The following CEP131 variants were observed in gnomAD, a reference collection of about 807,000 sequenced individuals.
CEP131 encodes centrosomal protein 131, also known as centrosomal protein of 131 kDa.
A neutral mutation model predicts 136.8 loss-of-function variants in CEP131; 99 were observed. The ratio of observed to expected loss-of-function variants is 0.72; its 90% CI spans 0.62 to 0.86. The LOEUF is 0.86. CEP131 is among the 40% of genes least tolerant of loss of function. The pLI is 0.00. For synonymous variants in CEP131, 646 were observed against 612.7 expected (o/e 1.05, Z -0.80); for missense variants, 1,459 against 1,463.0 (o/e 1.00, Z 0.04).
chr17:81,192,664 G>A (rs1465288735), intron 19 of CEP131, 71 bp from the exon 20 acceptor site: 6 of 1,369,246 alleles, frequency 4.4e-6, no homozygotes, highest in Non-Finnish European at 6.0e-6. Flanking sequence ...AGGTCAGCGG[G>A]TGAGGGGGCG....
chr17:81,213,855 T>C (rs576654586), intron 2 of CEP131, among the ~76,000 whole-genome samples: 1 of 152,264 alleles, frequency 6.6e-6, no homozygotes, highest in Non-Finnish European at 1.5e-5. Context: ...GTACTTTACC[T>C]CTGTGGCCTT....
Position 81,192,342 on chromosome 17 carries a change from C to T in CEP131, c.2598G>A (p.Trp866Ter), listed in dbSNP as rs1415314739. Residue 866 changes from tryptophan to a stop codon, truncating the protein, a stop_gained, in exon 21 of 26, where the codon TGG becomes TGA. Coordinates refer to ENST00000450824, the MANE Select transcript of CEP131 (RefSeq NM_014984.4). LOFTEE classifies it high-confidence loss of function. ...CCTCCTTCCTGGTGCGGCCGGCCTC[C>T]CACGCCTGCCTCTCCAGCTCCAGCT... ...KQQLELERQA[W>*]EAGRTRKEEA... 2 of 1,572,988 alleles carry T rather than the reference C, an allele frequency of 1.3e-6. No individual in the cohort carries two copies. Among genetic ancestry groups the T allele is most frequent in the African/African-American group, 2.7e-5 (2 of 73,854 alleles).
chr17:81,220,360 C>G (rs2146766989), intron 1 of CEP131, among the ~76,000 whole-genome samples: 1 of 152,332 alleles, frequency 6.6e-6, no homozygotes. Flanking sequence ...AGCAGCACCC[C>G]AGAGGGAGCC....
In CEP131 at chr17:81,194,097, G is replaced by A. The variant is rs1290227397; in HGVS notation, c.2150C>T (p.Ala717Val). The change falls in exon 18 of 26, where the codon GCA becomes GTA. Residue 717 changes from alanine to valine, a missense_variant. By Grantham distance (64) the Ala-to-Val change is moderately conservative. Transcript: ENST00000450824. ...GLEPEIQKLI[A>V]RHKQEVRRLK... ...CCTCCGCACTTCCTGCTTGTGCCTT[G>A]CAATCAGCTTCTGGATCTCGGGCTC... 2.6e-6 allele frequency: 4 copies of A among 1,559,630 alleles called. No individual in the cohort carries two copies. Among genetic ancestry groups the A allele is most frequent in the Non-Finnish European group, 3.5e-6 (4 of 1,154,598 alleles).
At chr17:81,192,685 G>GGGGGGGGGGGGCCCCC in intron 19 of CEP131, 51 bp downstream of exon 19, 2 of 478,412 alleles carry the variant, frequency 4.2e-6, no homozygotes, top group Non-Finnish European at 4.1e-6. Context: ...GGGGGGAGGG[G>GGGGGGGGGGGGCCCCC]TCAGCCAGCG....
chr17:81,198,930 G>A lies in CEP131; in HGVS notation c.1234C>T (p.Pro412Ser). Residue 412 changes from proline to serine, a missense_variant, in exon 11 of 26, where the codon CCC becomes TCC. Transcript: ENST00000450824. ...GGTTCTGGGGATGAGTCGGAGGTGG[G>A]CAGGCAGCGGTCTCCGGGGCCTGCA... ...PAAGPGDRCLPTSDSSPEPQQ... is the reference protein window; with the variant it reads ...PAAGPGDRCLSTSDSSPEPQQ... The A allele has an allele frequency of 6.3e-7, 1 of 1,591,026 alleles. No individual in the cohort carries two copies.
intron 18 of CEP131, among the ~76,000 whole-genome samples, 173 bp downstream of exon 18, chr17:81,193,753 C>T (rs528065051): frequency 3.3e-5 from 5 of 152,314 alleles, no homozygotes; most frequent in East Asian, 1.9e-4. Context: ...GACACTGGCC[C>T]GGCTGAGGCT....
At chr17:81,191,425 C>T (rs113931593) in intron 21 of CEP131, 90 bp from the exon 22 acceptor site, 80,586 of 1,264,516 alleles carry the variant, frequency 0.064, 3,434 homozygotes, top group African/African-American at 0.16. Context: ...GGGCTCCAGG[C>T]TCTGAGCCAC....
intron 2 of CEP131, among the ~76,000 whole-genome samples, chr17:81,217,213 AC>A (rs2062266877): frequency 6.6e-6 from 1 of 151,956 alleles, no homozygotes; most frequent in Non-Finnish European, 1.5e-5. Flanking sequence ...AGGAAGAGGG[AC>A]CCTCTACAGT....
At position 81,195,796 on chromosome 17, in the gene CEP131, C is replaced by T. The variant is rs544172043; in HGVS notation, c.2016+39G>A. The T allele has an allele frequency of 2.3e-4, 363 of 1,565,280 alleles. 6 individuals are homozygous for T. In the South Asian group the frequency reaches 3.8e-3, roughly 16 times the overall value. On this transcript the variant is annotated intron_variant, in intron 16 of 25. Transcript: ENST00000450824. The stretch of plus-strand genomic sequence containing the variant: ...TGCCAGCTGAGCCTGGCCTGTGAGC[C>T]GGGCTTGGGACGCCGTGCAGTAGGG...
Position 81,189,667 on chromosome 17 carries a change from G to T in CEP131, c.*102C>A. The T allele has an allele frequency of 1.6e-6, 2 of 1,260,210 alleles. No homozygotes were observed. The highest frequency in any genetic ancestry group is 1.5e-5 in the South Asian group (1 of 68,042). The allele number at this position is 1,260,210 out of a possible 1,614,324, so 78.1% of individuals were successfully genotyped here. On this transcript the variant is annotated 3_prime_UTR_variant, in exon 26 of 26. Transcript: ENST00000450824. ...TTAGCCGTGGGCATCTCAACCACCA[G>T]CCTCTGTGGGGGGCAGGTGGGCGTC...
chr17:81,192,727 GGGCGGCACCT>G lies in CEP131; in HGVS notation c.2428_2429+8del, dbSNP rs777115879. ...CCCTGGGAGAGGGCGTGGTGCCCCCGGGCGGCACCTGGCTGCCTGCTGGCCCAGCCGCTCC... is the reference window on the plus strand; with the variant it reads ...CCCTGGGAGAGGGCGTGGTGCCCCCGGGCTGCCTGCTGGCCCAGCCGCTCC... On this transcript the variant is annotated splice_donor_variant and splice_donor_5th_base_variant and coding_sequence_variant and intron_variant, in exon 19 of 26. Transcript: ENST00000450824. LOFTEE classifies it high-confidence loss of function. The G allele has an allele frequency of 1.9e-6, 3 of 1,540,034 alleles. No individual in the cohort carries two copies. The South Asian group carries it at 3.4e-5, about 17-fold the overall frequency.
chr17:81,206,536 G>A (rs1367426613), intron 5 of CEP131, among the ~76,000 whole-genome samples: 1 of 152,190 alleles, frequency 6.6e-6, no homozygotes, highest in Admixed American at 6.5e-5. Flanking sequence ...TAAGAGCAAA[G>A]CCTGGGCCGA....
At position 81,189,717 on chromosome 17, in the gene CEP131, C is replaced by T; in HGVS notation, c.*52G>A. The T allele has an allele frequency of 6.6e-7, 1 of 1,525,886 alleles. No individual in the cohort carries two copies. The highest frequency in any genetic ancestry group is 8.8e-7 in the Non-Finnish European group (1 of 1,133,498). 94.5% of individuals were successfully genotyped at this position (1,525,886 alleles called of 1,614,324 possible). ...CCCTGTGGGCCTCTGGGCCCACGTC[C>T]AGCCTCTGTCCTCTGCCTTCCGTTC... On this transcript the variant is annotated 3_prime_UTR_variant, in exon 26 of 26. Coordinates refer to ENST00000450824, the MANE Select transcript of CEP131 (RefSeq NM_014984.4).
Position 81,208,840 on chromosome 17 carries a change from C to T in CEP131, c.272+88G>A, listed in dbSNP as rs2062071212. Reference sequence around the variant, plus strand: ...GGGACCCAGGAGGCTGGAGGAAGGGCAGAGCAGAGGCAGGGAGGAGCAGGC... The same window carrying T: ...GGGACCCAGGAGGCTGGAGGAAGGGTAGAGCAGAGGCAGGGAGGAGCAGGC... On this transcript the variant is annotated intron_variant, in intron 3 of 25. Coordinates refer to ENST00000450824, the MANE Select transcript of CEP131 (RefSeq NM_014984.4). The surrounding 1 kb of genome is among the most constrained non-coding windows in gnomAD (Gnocchi z 5.6). 3 of 1,045,858 alleles carry T rather than the reference C, an allele frequency of 2.9e-6. No homozygotes were observed. The highest frequency in any genetic ancestry group is 4.9e-5 in the East Asian group (2 of 40,508). 64.8% of individuals were successfully genotyped at this position (1,045,858 alleles called of 1,614,324 possible). A position where few individuals can be genotyped will look rare whatever the true frequency, so the allele number is the denominator to read the frequency against.
chr17:81,194,554 G>T (rs542022218), intron 17 of CEP131, among the ~76,000 whole-genome samples: 1 of 152,218 alleles, frequency 6.6e-6, no homozygotes, highest in Admixed American at 6.5e-5. Flanking sequence ...CAGGGCCCAC[G>T]TGCCACAGTC....
In CEP131 at chr17:81,190,832, C is replaced by G. The variant is rs772693038; in HGVS notation, c.2944-30G>C. 5 of 1,590,040 alleles carry G rather than the reference C, an allele frequency of 3.1e-6. No homozygotes were observed. In the Admixed American group the frequency reaches 8.5e-5, roughly 27 times the overall value. ...GTGGGCACAGAAGGCAGTGAGCCGG[C>G]TGCCAGCGACTGGCTGCGTGCATGC... On this transcript the variant is annotated intron_variant, in intron 23 of 25. Coordinates refer to ENST00000450824, the MANE Select transcript of CEP131 (RefSeq NM_014984.4).
At position 81,194,016 on chromosome 17, in the gene CEP131, C is replaced by T. The variant is rs749061280; in HGVS notation, c.2231G>A (p.Arg744His). Residue 744 changes from arginine to histidine, a missense_variant, in exon 18 of 26, where the codon CGC (arginine) becomes CAC (histidine). This residue lies in a region of CEP131 where 1,026 missense variants were observed against 964.2 expected (regional missense o/e 1.06). Transcript: ENST00000450824. Reference protein sequence around the residue: ...LLQSDERASQRCLRQAEELRE... With the variant: ...LLQSDERASQHCLRQAEELRE... ...CAGCTCCTCGGCCTGGCGCAGGCAGCGCTGCGAGGCCCGCTCATCCGACTG... is the reference window on the plus strand; with the variant it reads ...CAGCTCCTCGGCCTGGCGCAGGCAGTGCTGCGAGGCCCGCTCATCCGACTG... 40 of 1,564,458 alleles carry T rather than the reference C, an allele frequency of 2.6e-5. No individual in the cohort carries two copies. In the East Asian group the frequency reaches 4.4e-4, roughly 17 times the overall value.
rs375803496 is a variant in CEP131 at position 81,207,235 on chromosome 17, T to A, written c.277A>T (p.Thr93Ser). Residue 93 changes from threonine to serine, a missense_variant, in exon 4 of 26, where the codon ACG (threonine) becomes TCG (serine). Physicochemically the swap from Thr to Ser is moderately conservative, Grantham distance 58. This residue lies in a region of CEP131 where 187 missense variants were observed against 179.9 expected (regional missense o/e 1.04). Coordinates refer to ENST00000450824, the MANE Select transcript of CEP131 (RefSeq NM_014984.4). ...AGCATCAGGAAGTCTGTGGGCTCCGTTGGCCTGCATCCGAGAGAGGGCGGC... is the reference window on the plus strand; with the variant it reads ...AGCATCAGGAAGTCTGTGGGCTCCGATGGCCTGCATCCGAGAGAGGGCGGC... Reference protein sequence around the residue: ...SQPRSGSPRPTEPTDFLMLFE... With the variant: ...SQPRSGSPRPSEPTDFLMLFE... The A allele has an allele frequency of 7.4e-6, 12 of 1,613,126 alleles. No individual in the cohort carries two copies. Among genetic ancestry groups the A allele is most frequent in the Non-Finnish European group, 8.5e-6 (10 of 1,179,884 alleles).
Sources: gnomAD v4.1 joint callset for allele counts (sites outside exome capture counted in the v4.1 genomes callset) on GRCh38, gnomAD v4.1.1 for gene constraint, gnomAD v4.1.1 regional missense constraint, Gnocchi (gnomAD v3.1) non-coding constraint, MANE v1.5 for transcripts, NCBI Gene and HGNC (gene_info 2026-07-23, HGNC 2026-07-21) for gene names.